The following OGG1 variants were observed in gnomAD, a reference collection of about 807,000 sequenced individuals.
The protein encoded by OGG1 is N-glycosylase/DNA lyase.
In OGG1, 35 loss-of-function variants were observed where a neutral mutation model predicts 42.3. The ratio of observed to expected loss-of-function variants is 0.83; its 90% CI spans 0.63 to 1.10. The LOEUF (loss-of-function observed/expected upper bound fraction) is 1.10. Ranked by LOEUF, OGG1 falls within the 50% of genes least tolerant of loss-of-function variation. OGG1 has a pLI of 0.00. For synonymous variants in OGG1, 189 were observed against 179.0 expected (o/e 1.06, Z -0.44); for missense variants, 484 against 446.7 (o/e 1.08, Z -0.75).
At chr3:9,771,255 G>A (rs1190252338), downstream of OGG1, among the ~76,000 whole-genome samples, 3 of 151,878 alleles carry the variant, frequency 2.0e-5, no homozygotes, top group African/African-American at 7.3e-5. Flanking sequence ...AAACTCCTGG[G>A]CTCAAGCAAT....
At chr3:9,785,662 A>G (rs2078590390) in intron 3 of OGG1, among the ~76,000 whole-genome samples, 2 of 152,242 alleles carry the variant, frequency 1.3e-5, no homozygotes, top group African/African-American at 4.8e-5. Flanking sequence ...TTAACACTCA[A>G]TGATGGTAAT....
At chr3:9,780,306 C>T in intron 2 of OGG1, 1 of 1,546,356 alleles carries the variant, frequency 6.5e-7, no homozygotes. Context: ...GGAAGTGGGC[C>T]TCCCTTCCCC....
At chr3:9,752,109 T>A (rs2077329682) in intron 3 of OGG1, 160 bp downstream of exon 3, 4 of 667,564 alleles carry the variant, frequency 6.0e-6, no homozygotes, top group Non-Finnish European at 7.9e-6. Context: ...TCATCCTCCC[T>A]ATGCATCCCT....
downstream of OGG1, chr3:9,759,341 G>A: frequency 6.4e-7 from 1 of 1,559,790 alleles, no homozygotes; most frequent in Non-Finnish European, 8.8e-7. Context: ...TTGAATGAAA[G>A]AGTGAATGAA....
downstream of OGG1, chr3:9,760,844 C>G: frequency 6.3e-7 from 1 of 1,595,732 alleles, no homozygotes; most frequent in Non-Finnish European, 8.5e-7. Context: ...GGGGCAGTCT[C>G]AGGGGTCAGG....
chr3:9,783,872 C>T (rs113892132), intron 3 of OGG1: 32 of 1,320,092 alleles, frequency 2.4e-5, no homozygotes, highest in East Asian at 1.6e-4. Context: ...GGGACATACC[C>T]GGTGGACTGG....
In OGG1 at chr3:9,783,891, G is replaced by A. The variant is rs1326430373; in HGVS notation, c.382+2291G>A. 10 of 1,407,392 alleles carry A rather than the reference G, an allele frequency of 7.1e-6. No homozygotes were observed. In the South Asian group the frequency reaches 9.3e-5, roughly 13 times the overall value. 87.2% of individuals were successfully genotyped at this position (1,407,392 alleles called of 1,614,324 possible). On this transcript the variant is annotated intron_variant, in intron 3 of 3. Transcript: ENST00000426518. Reference sequence around the variant, plus strand: ...CATACCCGGTGGACTGGCCACTGCTGTTTTTTTCGAGGCTCTCCAGGTGAT... The same window carrying A: ...CATACCCGGTGGACTGGCCACTGCTATTTTTTTCGAGGCTCTCCAGGTGAT...
chr3:9,776,239 C>T (rs2078361774), intron 2 of OGG1, among the ~76,000 whole-genome samples: 1 of 152,126 alleles, frequency 6.6e-6, no homozygotes, highest in Non-Finnish European at 1.5e-5. Flanking sequence ...GTGCCTTGCT[C>T]CTTTTGTCTG....
chr3:9,758,817 A>T, downstream of OGG1: 1 of 279,058 alleles, frequency 3.6e-6, no homozygotes, highest in Non-Finnish European at 7.0e-6. Flanking sequence ...TTTAGTAGAG[A>T]CAGGGTTTTG....
At chr3:9,755,750 G>A (rs1022746743) in intron 4 of OGG1, among the ~76,000 whole-genome samples, 21 of 152,064 alleles carry the variant, frequency 1.4e-4, no homozygotes, top group Non-Finnish European at 2.9e-4. Flanking sequence ...GTGAGCCACT[G>A]CACCCAGCCT....
At chr3:9,751,694 G>C (rs2077307922) in intron 2 of OGG1, 76 bp from the exon 3 acceptor site, 1 of 1,398,508 alleles carries the variant, frequency 7.2e-7, no homozygotes, top group South Asian at 1.2e-5. Context: ...TGGTACCTAG[G>C]ATCTGACCTG....
exon 8 of OGG1, chr3:9,765,914 G>C: frequency 6.2e-7 from 1 of 1,613,926 alleles, no homozygotes; most frequent in Non-Finnish European, 8.5e-7. Context: ...GGATTCACAA[G>C]GTGAAGAACT....
chr3:9,789,848 C>G, downstream of OGG1: 1 of 1,614,252 alleles, frequency 6.2e-7, no homozygotes, highest in Non-Finnish European at 8.5e-7. Flanking sequence ...TCCTGCCTTC[C>G]CTTCCAGTTT....
At chr3:9,761,975 C>A (rs2077901106), downstream of OGG1, 1 of 574,088 alleles carries the variant, frequency 1.7e-6, no homozygotes, top group Non-Finnish European at 3.0e-6. Flanking sequence ...CTCTAAACCT[C>A]AGGTGTGCAC....
In OGG1 at chr3:9,751,099, A is replaced by G. The variant is rs2077281403; in HGVS notation, c.292A>G (p.Lys98Glu). Residue 98 changes from lysine (K) to glutamate (E), a missense_variant, in exon 2 of 7, where the codon AAG (lysine) becomes GAG (glutamate). Lys to Glu is a moderately conservative substitution (Grantham distance 56). Transcript: ENST00000344629. Reference protein sequence around the residue: ...PTPDELEAVRKYFQLDVTLAQ... With the variant: ...PTPDELEAVREYFQLDVTLAQ... ...ACCAGACGAGCTGGAGGCCGTGCGC[A>G]AGTACTTCCAGCTAGATGTTACCCT... is the stretch of plus-strand genomic sequence containing the variant. 6.2e-7 allele frequency: 1 copy of G among 1,614,014 alleles called. No homozygotes were observed.
chr3:9,780,668 C>T (rs1159252766), intron 2 of OGG1: 9 of 1,027,766 alleles, frequency 8.8e-6, no homozygotes, highest in East Asian at 2.6e-5. Context: ...TTGTGTCATA[C>T]AGTCGTGACC....
intron 4 of OGG1, among the ~76,000 whole-genome samples, chr3:9,755,749 T>C (rs1477926094): frequency 6.6e-6 from 1 of 152,058 alleles, no homozygotes; most frequent in Admixed American, 6.5e-5. Flanking sequence ...CGTGAGCCAC[T>C]GCACCCAGCC....
chr3:9,780,116 C>A, intron 2 of OGG1: 1 of 407,176 alleles, frequency 2.5e-6, no homozygotes, highest in Non-Finnish European at 4.4e-6. Context: ...AAACGAAGTC[C>A]CCTCCAACCC....
At chr3:9,787,263 C>A (rs1479168257) in intron 3 of OGG1, 1 of 1,614,224 alleles carries the variant, frequency 6.2e-7, no homozygotes, top group Admixed American at 1.7e-5. Context: ...CAGCCGCTGC[C>A]CGGGCCCCAT....
Sources: gnomAD v4.1 joint callset for allele counts (sites outside exome capture counted in the v4.1 genomes callset) on GRCh38, gnomAD v4.1.1 for gene constraint, MANE v1.5 for transcripts, NCBI Gene and HGNC (gene_info 2026-07-23, HGNC 2026-07-21) for gene names.